The following SLC16A7 variants were observed in gnomAD, a reference collection of about 807,000 sequenced individuals.
The protein encoded by SLC16A7 is monocarboxylate transporter 2.
Under a neutral mutation model 34.9 loss-of-function variants are expected in SLC16A7, and 33 were observed. The ratio of observed to expected loss-of-function variants is 0.94; its 90% CI spans 0.72 to 1.26. SLC16A7 has a LOEUF of 1.26. Among genes scored for constraint, SLC16A7 ranks in the 50% most tolerant of loss-of-function variants. The probability of loss-of-function intolerance (pLI) is 0.00; values close to 1 mark genes in which losing one functional copy is unlikely to be tolerated. For missense variants in SLC16A7, 573 were observed against 578.1 expected (o/e 0.99, Z 0.09); for synonymous variants, 201 against 206.6 (o/e 0.97, Z 0.23).
intron 1 of SLC16A7, among the ~76,000 whole-genome samples, chr12:59,617,682 G>C (rs879576000): frequency 1.4e-4 from 22 of 151,838 alleles, no homozygotes; most frequent in South Asian, 6.2e-4. Context: ...TTTTAATATG[G>C]ATATAATAAT....
At chr12:59,716,705 G>T (rs2137185943) in intron 3 of SLC16A7, among the ~76,000 whole-genome samples, 1 of 152,078 alleles carries the variant, frequency 6.6e-6, no homozygotes, top group East Asian at 1.9e-4. Flanking sequence ...AACAATTACT[G>T]GGGTATGGTG....
intron 3 of SLC16A7, among the ~76,000 whole-genome samples, chr12:59,746,314 C>T (rs1878884523): frequency 6.6e-6 from 1 of 152,154 alleles, no homozygotes; most frequent in Non-Finnish European, 1.5e-5. Context: ...CCAATGAAAT[C>T]AGCAATACAA....
chr12:59,660,692 G>C (rs1868801380), intron 2 of SLC16A7, among the ~76,000 whole-genome samples: 1 of 152,034 alleles, frequency 6.6e-6, no homozygotes, highest in African/African-American at 2.4e-5. Flanking sequence ...CTGGGTGAAA[G>C]AGTGAGACCC....
chr12:59,742,946 C>T (rs1878500717), intron 3 of SLC16A7, among the ~76,000 whole-genome samples: 3 of 152,166 alleles, frequency 2.0e-5, no homozygotes, highest in Admixed American at 6.5e-5. Flanking sequence ...TTCCCACCCA[C>T]AAGAAATTGC....
At chr12:59,614,604 T>C (rs1879350898) in intron 1 of SLC16A7, among the ~76,000 whole-genome samples, 1 of 151,878 alleles carries the variant, frequency 6.6e-6, no homozygotes, top group East Asian at 1.9e-4. Flanking sequence ...TTAATGGCCA[T>C]TGTGATAGCA....
intron 1 of SLC16A7, among the ~76,000 whole-genome samples, chr12:59,627,442 A>G (rs1213985565): frequency 1.3e-5 from 2 of 151,664 alleles, no homozygotes; most frequent in Non-Finnish European, 2.9e-5. Flanking sequence ...TTGTCTTTTG[A>G]TTTTTATTTA....
intron 3 of SLC16A7, among the ~76,000 whole-genome samples, chr12:59,762,675 C>T (rs534938093): frequency 4.6e-5 from 7 of 152,002 alleles, no homozygotes; most frequent in African/African-American, 1.4e-4. Context: ...TGGTTAAGTA[C>T]AGCATGACTG....
intron 2 of SLC16A7, among the ~76,000 whole-genome samples, chr12:59,701,978 G>A (rs1244371972): frequency 6.6e-6 from 1 of 151,740 alleles, no homozygotes. Flanking sequence ...TGCAGAGTGA[G>A]GACTTTAAGC....
intron 2 of SLC16A7, among the ~76,000 whole-genome samples, chr12:59,669,491 T>G (rs1869491152): frequency 6.6e-6 from 1 of 152,202 alleles, no homozygotes; most frequent in Non-Finnish European, 1.5e-5. Context: ...TCTAATTCAC[T>G]GTGGCCATTG....
intron 1 of SLC16A7, among the ~76,000 whole-genome samples, chr12:59,654,931 T>A (rs1316071077): frequency 6.6e-6 from 1 of 151,908 alleles, no homozygotes; most frequent in Non-Finnish European, 1.5e-5. Context: ...AACATGGGGC[T>A]AGTGGTGATG....
chr12:59,650,963 A>G (rs1252239816), intron 1 of SLC16A7, among the ~76,000 whole-genome samples: 6 of 152,112 alleles, frequency 3.9e-5, no homozygotes, highest in African/African-American at 1.2e-4. Context: ...CTATGGGGAG[A>G]TGGTAGCTAA....
intron 3 of SLC16A7, among the ~76,000 whole-genome samples, chr12:59,753,981 C>A (rs1483152255): frequency 6.6e-6 from 1 of 152,160 alleles, no homozygotes; most frequent in Non-Finnish European, 1.5e-5. Context: ...TACATGGAAA[C>A]TGAACAACCT....
chr12:59,664,542 T>C (rs1182660541), intron 2 of SLC16A7: 2 of 152,170 alleles, frequency 1.3e-5, no homozygotes, highest in Non-Finnish European at 2.9e-5. Context: ...ACTATTAATG[T>C]ATATAGTACA....
intron 2 of SLC16A7, among the ~76,000 whole-genome samples, chr12:59,690,888 T>C (rs1043301255): frequency 3.3e-5 from 5 of 151,852 alleles, no homozygotes; most frequent in African/African-American, 1.2e-4. Flanking sequence ...GATTTCTCTT[T>C]CCTCAAGTAT....
Position 59,789,716 on chromosome 12 carries a change from C to T in SLC16A7, c.*10037C>T, listed in dbSNP as rs1386316312. The stretch of plus-strand genomic sequence containing the variant: ...ATTTTAGTTATTGTTTCTTACTTAT[C>T]ACTAATTTTTACTGCAGGTCTGTGC... On this transcript the variant is annotated 3_prime_UTR_variant, in exon 6 of 6. Transcript: ENST00000547379. 1 of 152,046 alleles carries T rather than the reference C, an allele frequency of 6.6e-6. No homozygotes were observed. The highest frequency in any genetic ancestry group is 6.6e-5 in the Admixed American group (1 of 15,238). The allele number at this position is 152,046 out of a possible 1,614,324, so 9.4% of individuals were successfully genotyped here. A position where few individuals can be genotyped will look rare whatever the true frequency, so the allele number is the denominator to read the frequency against.
chr12:59,688,426 T>G (rs1223757702), intron 2 of SLC16A7, among the ~76,000 whole-genome samples: 1 of 152,084 alleles, frequency 6.6e-6, no homozygotes, highest in East Asian at 1.9e-4. Flanking sequence ...GCGGTAGACT[T>G]TAAGACTTTG....
Position 59,643,340 on chromosome 12 carries a change from T to C in SLC16A7, c.-129-11812T>C, listed in dbSNP as rs138569177. The stretch of plus-strand genomic sequence containing the variant: ...TGACCCCAAGAGTCTCTAATATACA[T>C]ATAAGTTTTCGGCACAAGTTGAAAG... On this transcript the variant is annotated intron_variant, in intron 1 of 5. Transcript: ENST00000547379. 4.6e-5 allele frequency among the ~76,000 whole-genome samples: 7 copies of C among 152,288 alleles called. No homozygotes were observed. The East Asian group carries it at 1.2e-3, about 25-fold the overall frequency.
chr12:59,717,319 T>C (rs1460496888), intron 3 of SLC16A7, among the ~76,000 whole-genome samples: 1 of 152,204 alleles, frequency 6.6e-6, no homozygotes, highest in Non-Finnish European at 1.5e-5. Flanking sequence ...GAGGTTGTCA[T>C]TAACTTTCCA....
chr12:59,744,825 C>T (rs889503699), intron 3 of SLC16A7, among the ~76,000 whole-genome samples: 1 of 152,130 alleles, frequency 6.6e-6, no homozygotes, highest in Admixed American at 6.5e-5. Context: ...AAAGCGCTTG[C>T]CCCAACTCCT....
Sources: gnomAD v4.1 joint callset for allele counts (sites outside exome capture counted in the v4.1 genomes callset) on GRCh38, gnomAD v4.1.1 for gene constraint, MANE v1.5 for transcripts, NCBI Gene and HGNC (gene_info 2026-07-23, HGNC 2026-07-21) for gene names.